The following PDE1C variants were observed in gnomAD, a reference collection of about 807,000 sequenced individuals.
The protein encoded by PDE1C is dual specificity calcium/calmodulin-dependent 3',5'-cyclic nucleotide phosphodiesterase 1C.
In PDE1C, 62 loss-of-function variants were observed where a neutral mutation model predicts 93.1. The ratio of observed to expected loss-of-function variants is 0.67; its 90% CI spans 0.54 to 0.82. The LOEUF is 0.82. PDE1C is among the 40% of genes least tolerant of loss of function. The pLI is 0.00. For synonymous variants in PDE1C, 325 were observed against 310.1 expected, an observed-to-expected ratio of 1.05 and a Z score of -0.50; for missense variants, 742 against 884.6, an observed-to-expected ratio of 0.84 and a Z score of 2.04.
chr7:32,269,293 G>A (rs1256257130), intron 1 of PDE1C, among the ~76,000 whole-genome samples: 1 of 152,134 alleles, frequency 6.6e-6, no homozygotes, highest in Non-Finnish European at 1.5e-5. Flanking sequence ...GCTTCTAGGT[G>A]AGACCAGTAT....
chr7:32,011,001 C>G (rs1787009992), intron 2 of PDE1C, among the ~76,000 whole-genome samples: 1 of 151,948 alleles, frequency 6.6e-6, no homozygotes, highest in African/African-American at 2.4e-5. Context: ...ATCAAAAGCA[C>G]AATCCATACA....
At chr7:31,840,702 T>C (rs570872666) in intron 9 of PDE1C, among the ~76,000 whole-genome samples, 3 of 152,288 alleles carry the variant, frequency 2.0e-5, no homozygotes, top group East Asian at 1.9e-4. Flanking sequence ...CTTTTCCCCA[T>C]TGAATTAATT....
At chr7:31,732,923 G>A in the PDE1C span, among the ~76,000 whole-genome samples, 1 of 152,196 alleles carries the variant, frequency 6.6e-6, no homozygotes, top group Non-Finnish European at 1.5e-5. Flanking sequence ...ACATTAAGGC[G>A]GGATTGGAAG....
chr7:31,800,218 C>A (rs1219756527), intron 16 of PDE1C, among the ~76,000 whole-genome samples: 1 of 151,382 alleles, frequency 6.6e-6, no homozygotes, highest in African/African-American at 2.4e-5. Context: ...TGTGAACTGC[C>A]TTTTTATTCT....
At position 31,932,198 on chromosome 7, in the gene PDE1C, G is replaced by A. The variant is rs143969822; in HGVS notation, c.129-51338C>T. 8.9e-3 allele frequency among the ~76,000 whole-genome samples: 1,356 copies of A among 152,234 alleles called. 22 individuals carry two copies. Among genetic ancestry groups the A allele is most frequent in the African/African-American group, 0.031 (1,274 of 41,560 alleles). ...TAAAACAACGAAAGCAATGGCAACA[G>A]AAGCCAAAATTGACAAATAGGATCT... On this transcript the variant is annotated intron_variant, in intron 2 of 17. Coordinates refer to ENST00000396191, the MANE Select transcript of PDE1C (RefSeq NM_001191057.4).
At chr7:32,071,338 A>T (rs980631607), upstream of PDE1C, 1 of 984,784 alleles carries the variant, frequency 1.0e-6, no homozygotes, top group Non-Finnish European at 1.2e-6. Flanking sequence ...TCACTCTCGC[A>T]CCCGCCACAG....
intron 1 of PDE1C, among the ~76,000 whole-genome samples, chr7:32,390,779 G>T (rs1323703018): frequency 6.6e-6 from 1 of 152,006 alleles, no homozygotes; most frequent in African/African-American, 2.4e-5. Flanking sequence ...CTTGAGCCTG[G>T]GAGGTCGAGA....
At chr7:32,325,505 T>G (rs998299768) in intron 1 of PDE1C, among the ~76,000 whole-genome samples, 1 of 152,232 alleles carries the variant, frequency 6.6e-6, no homozygotes, top group African/African-American at 2.4e-5. Context: ...TCTCTCATCC[T>G]GTTACACCTT....
At chr7:32,220,779 C>T (rs1052138733) in intron 1 of PDE1C, among the ~76,000 whole-genome samples, 35 of 152,322 alleles carry the variant, frequency 2.3e-4, no homozygotes, top group African/African-American at 6.7e-4. Flanking sequence ...GATCGCACCA[C>T]TGCACTCCAG....
At chr7:32,113,236 A>AATATATATGTATATATATATATAT (rs1798775091) in intron 3 of PDE1C, among the ~76,000 whole-genome samples, 1 of 94,020 alleles carries the variant, frequency 1.1e-5, no homozygotes, top group Admixed American at 1.1e-4. Flanking sequence ...ATTGTCCTTA[A>AATATATATGTATATATATATATAT]ATATATATAT....
rs529512170 is a variant in PDE1C at position 31,942,443 on chromosome 7, G to T, written c.129-61583C>A. Among the ~76,000 whole-genome samples the T allele has an allele frequency of 3.3e-5, 5 of 152,196 alleles. No homozygotes were observed. In the East Asian group the frequency reaches 9.7e-4, roughly 29 times the overall value. On this transcript the variant is annotated intron_variant, in intron 2 of 17. Transcript: ENST00000396191. ...GGACCCTCAGTAATCTATGAACCTG[G>T]CAGGATGTTGTTGAAGCTATTTGAA... is the stretch of plus-strand genomic sequence containing the variant.
intron 2 of PDE1C, among the ~76,000 whole-genome samples, chr7:32,192,866 G>A (rs1804330822): frequency 6.6e-6 from 1 of 152,114 alleles, no homozygotes; most frequent in African/African-American, 2.4e-5. Flanking sequence ...TCATGGCACT[G>A]CATAGTTTTC....
At chr7:31,726,023 T>C in the PDE1C span, among the ~76,000 whole-genome samples, 2 of 152,248 alleles carry the variant, frequency 1.3e-5, no homozygotes, top group African/African-American at 2.4e-5. Context: ...TACATTTTGG[T>C]GTATTTGTTT....
intron 1 of PDE1C, among the ~76,000 whole-genome samples, chr7:32,374,396 A>G (rs932597038): frequency 2.0e-5 from 3 of 152,232 alleles, no homozygotes; most frequent in Non-Finnish European, 4.4e-5. Context: ...CAGGAGTGAC[A>G]CTATGTGACC....
chr7:32,143,027 A>G (rs1800626009), intron 3 of PDE1C, among the ~76,000 whole-genome samples: 1 of 152,044 alleles, frequency 6.6e-6, no homozygotes, highest in Non-Finnish European at 1.5e-5. Context: ...TTGGTCTTGC[A>G]GAGTCGGGAA....
intron 3 of PDE1C, among the ~76,000 whole-genome samples, chr7:32,083,706 TAAAG>T (rs993346680): frequency 6.6e-6 from 1 of 152,046 alleles, no homozygotes; most frequent in Non-Finnish European, 1.5e-5. Context: ...TCAACATTCT[TAAAG>T]AAAATAATTT....
At chr7:32,147,309 A>AAAG in intron 3 of PDE1C, among the ~76,000 whole-genome samples, 1 of 144,682 alleles carries the variant, frequency 6.9e-6, no homozygotes, top group South Asian at 2.1e-4. Context: ...AGAAAGAAAG[A>AAAG]AAGAAAGAAA....
intron 2 of PDE1C, among the ~76,000 whole-genome samples, chr7:31,969,212 G>A (rs768063691): frequency 9.9e-5 from 15 of 152,070 alleles, no homozygotes; most frequent in Admixed American, 3.3e-4. Context: ...GCAACCTACA[G>A]AATGGGAGAA....
At chr7:31,876,052 TG>T (rs1225248507) in intron 5 of PDE1C, among the ~76,000 whole-genome samples, 1 of 151,788 alleles carries the variant, frequency 6.6e-6, no homozygotes, top group African/African-American at 2.4e-5. Context: ...TATGAACTTC[TG>T]GCAATGAAGT....
Sources: allele counts gnomAD v4.1 joint callset (sites outside exome capture counted in the v4.1 genomes callset), GRCh38; gene constraint gnomAD v4.1.1; transcripts MANE v1.5; gene names NCBI Gene and HGNC (gene_info 2026-07-23, HGNC 2026-07-21).